The following NOC3L variants were observed in gnomAD, a reference collection of about 807,000 sequenced individuals.
The protein encoded by NOC3L is nucleolar complex protein 3 homolog.
In NOC3L, 85 loss-of-function variants were observed where a neutral mutation model predicts 102.5. The ratio of observed to expected loss-of-function variants is 0.83; its 90% CI spans 0.70 to 0.99. NOC3L has a LOEUF of 0.99. Ranked by LOEUF, NOC3L falls within the 50% of genes least tolerant of loss-of-function variation. The pLI is 0.00. For synonymous variants in NOC3L, 303 were observed against 309.4 expected, an observed-to-expected ratio of 0.98 and a Z score of 0.22; for missense variants, 878 against 914.9, an observed-to-expected ratio of 0.96 and a Z score of 0.52.
At chr10:94,315,745 G>A in the NOC3L span, among the ~76,000 whole-genome samples, 1 of 142,322 alleles carries the variant, frequency 7.0e-6, no homozygotes, top group East Asian at 2.1e-4. Flanking sequence ...ACTCCAGCCT[G>A]GGCGACAGAG....
At chr10:94,328,196 C>T in the NOC3L span, 2,099 of 309,348 alleles carry the variant, frequency 6.8e-3, 54 homozygotes, top group African/African-American at 0.042. Flanking sequence ...TTGGAAAAAT[C>T]GTCACGAATT....
chr10:94,350,113 C>T lies in NOC3L; in HGVS notation c.1128G>A (p.Leu376=). The T allele has an allele frequency of 6.2e-7, 1 of 1,613,880 alleles. No homozygotes were observed. The highest frequency in any genetic ancestry group is 8.5e-7 in the Non-Finnish European group (1 of 1,179,886). ...IVPLMNDMSK[L]ISEMCCEAVK... ...GCAATAACCATTTACAGCAACTCACCAATTTTGACATGTCATTCATGAGAG... is the reference window on the plus strand; with the variant it reads ...GCAATAACCATTTACAGCAACTCACTAATTTTGACATGTCATTCATGAGAG... The change falls in exon 9 of 21, where the codon TTG becomes TTA. Residue 376 remains leucine (L), a splice_region_variant and synonymous_variant. Coordinates refer to ENST00000371361, the MANE Select transcript of NOC3L (RefSeq NM_022451.11).
chr10:94,361,976 A>G (rs1372172670), intron 1 of NOC3L, 104 bp from the exon 2 acceptor site: 5 of 877,590 alleles, frequency 5.7e-6, no homozygotes, highest in Middle Eastern at 3.2e-4. Flanking sequence ...CACAATTTCA[A>G]TGTCCCACAG....
intron 20 of NOC3L, 69 bp downstream of exon 20, chr10:94,334,565 T>A: frequency 9.0e-7 from 1 of 1,116,440 alleles, no homozygotes; most frequent in African/African-American, 1.6e-5. Context: ...TTAAGCAAAC[T>A]GGAGTTAGAG....
chr10:94,318,551 A>G, the NOC3L span, among the ~76,000 whole-genome samples: 43 of 152,300 alleles, frequency 2.8e-4, no homozygotes, highest in Non-Finnish European at 4.4e-4. Flanking sequence ...ACTCAAGTCT[A>G]TGGCTTCCAG....
intron 18 of NOC3L, 47 bp from the exon 19 acceptor site, chr10:94,337,921 AC>A (rs2054241455): frequency 7.4e-7 from 1 of 1,354,148 alleles, no homozygotes; most frequent in Non-Finnish European, 1.0e-6. Context: ...TCAGTCCTTT[AC>A]AAAAAACACT....
chr10:94,339,245 T>C (rs1301274261), intron 17 of NOC3L, among the ~76,000 whole-genome samples: 1 of 152,220 alleles, frequency 6.6e-6, no homozygotes, highest in Non-Finnish European at 1.5e-5. Context: ...GAATAGTAGC[T>C]ACCTCAGAGT....
At chr10:94,315,154 C>T in the NOC3L span, 6 of 299,006 alleles carry the variant, frequency 2.0e-5, no homozygotes, top group Non-Finnish European at 3.3e-5. Flanking sequence ...TTGCCTTGGC[C>T]CCCTTTTGAG....
At chr10:94,323,010 T>C in the NOC3L span, among the ~76,000 whole-genome samples, 3 of 152,186 alleles carry the variant, frequency 2.0e-5, no homozygotes, top group Non-Finnish European at 4.4e-5. Context: ...ATTCATTCCT[T>C]CAACAGACAC....
chr10:94,321,498 C>T, the NOC3L span, among the ~76,000 whole-genome samples: 1 of 152,068 alleles, frequency 6.6e-6, no homozygotes, highest in Non-Finnish European at 1.5e-5. Flanking sequence ...CATGGTGGCA[C>T]ACATCTGTAA....
chr10:94,345,679 C>A (rs2054334443), intron 11 of NOC3L, among the ~76,000 whole-genome samples: 1 of 152,112 alleles, frequency 6.6e-6, no homozygotes, highest in Non-Finnish European at 1.5e-5. Flanking sequence ...TATGTATCTT[C>A]TTTTGTTCAC....
At chr10:94,339,427 A>C (rs1022118026) in intron 17 of NOC3L, among the ~76,000 whole-genome samples, 2 of 152,224 alleles carry the variant, frequency 1.3e-5, no homozygotes, top group Non-Finnish European at 2.9e-5. Context: ...TATATAGCAT[A>C]ATCCTCTTTC....
In NOC3L at chr10:94,356,116, C is replaced by A. The variant is rs2054480043; in HGVS notation, c.565+419G>T. 2.0e-5 allele frequency among the ~76,000 whole-genome samples: 3 copies of A among 152,264 alleles called. No homozygotes were observed. The South Asian group carries it at 6.2e-4, about 32-fold the overall frequency. ...ATTAAATGGTCCTAGGTAATAGAAA[C>A]TGACATTCAATTATATGAAACATAT... On this transcript the variant is annotated intron_variant, in intron 5 of 20. Transcript: ENST00000371361.
Position 94,341,721 on chromosome 10 carries a change from T to G in NOC3L, c.1596A>C (p.Glu532Asp). The change falls in exon 14 of 21, where the codon GAA becomes GAC. Residue 532 changes from glutamate to aspartate, a missense_variant. Transcript: ENST00000371361. ...LAKFAHLINVEFFDDLLVVLH... is the reference protein window; with the variant it reads ...LAKFAHLINVDFFDDLLVVLH... ...GAACTACTAACAGATCATCAAAAAA[T>G]TCCACATTTATAAGGTGAGCAAACC... 6.4e-7 allele frequency: 1 copy of G among 1,570,688 alleles called. No homozygotes were observed. Among genetic ancestry groups the G allele is most frequent in the Non-Finnish European group, 8.6e-7 (1 of 1,156,600 alleles).
At chr10:94,361,508 A>G (rs2054550598) in intron 2 of NOC3L, 157 bp downstream of exon 2, 2 of 648,566 alleles carry the variant, frequency 3.1e-6, no homozygotes, top group Non-Finnish European at 5.5e-6. Context: ...GATAAAGCAT[A>G]TATGCTTTAT....
chr10:94,317,068 T>C, the NOC3L span, among the ~76,000 whole-genome samples: 1 of 152,154 alleles, frequency 6.6e-6, no homozygotes, highest in Non-Finnish European at 1.5e-5. Flanking sequence ...CTGGCCAACA[T>C]GGCGAAACCC....
the NOC3L span, chr10:94,322,173 T>C: frequency 1.9e-5 from 19 of 979,438 alleles, no homozygotes; most frequent in Non-Finnish European, 2.7e-5. Flanking sequence ...AACAGGGACC[T>C]CAAAGGGGAG....
At chr10:94,319,388 A>T in the NOC3L span, among the ~76,000 whole-genome samples, 1 of 152,242 alleles carries the variant, frequency 6.6e-6, no homozygotes, top group Non-Finnish European at 1.5e-5. Context: ...GATTTGGGCT[A>T]TAAGTATTTC....
At position 94,344,919 on chromosome 10, in the gene NOC3L, T is replaced by C; in HGVS notation, c.1404A>G (p.Glu468=). ...CTCGAAGCTCTCGCTCTAGTTTCTC[T>C]TCTGCTTTCTTCCACTGAAAATAGA... ...SRMQRKWKKA[E]EKLERELREA... Residue 468 remains glutamate, a synonymous_variant, in exon 12 of 21, where the codon GAA becomes GAG. Transcript: ENST00000371361. The C allele has an allele frequency of 6.2e-7, 1 of 1,609,336 alleles. No individual in the cohort carries two copies. The highest frequency in any genetic ancestry group is 8.5e-7 in the Non-Finnish European group (1 of 1,179,002).
Sources: gnomAD v4.1 joint callset for allele counts (sites outside exome capture counted in the v4.1 genomes callset) on GRCh38, gnomAD v4.1.1 for gene constraint, MANE v1.5 for transcripts, NCBI Gene and HGNC (gene_info 2026-07-23, HGNC 2026-07-21) for gene names.